INPP4B: variants seen among roughly 807,000 people sequenced by gnomAD.
The protein encoded by INPP4B is inositol polyphosphate-4-phosphatase type II B.
A neutral mutation model predicts 122.5 loss-of-function variants in INPP4B; 55 were observed. The ratio of observed to expected loss-of-function variants is 0.45; its 90% CI spans 0.36 to 0.56. The LOEUF is 0.56. INPP4B is among the 20% of genes least tolerant of loss of function. The pLI, the probability that INPP4B is intolerant of heterozygous loss-of-function variation, is 0.00. For synonymous variants in INPP4B, 403 were observed against 388.7 expected, an observed-to-expected ratio of 1.04 and a Z score of -0.43; for missense variants, 1,000 against 1,097.7, an observed-to-expected ratio of 0.91 and a Z score of 1.26.
At chr4:142,742,136 C>A (rs1767990406) in intron 1 of INPP4B, among the ~76,000 whole-genome samples, 1 of 151,900 alleles carries the variant, frequency 6.6e-6, no homozygotes, top group South Asian at 2.1e-4. Context: ...AGTAGACCCA[C>A]ACTCACCCTC....
intron 4 of INPP4B, 149 bp downstream of exon 4, chr4:142,431,020 T>C (rs1363051395): frequency 1.6e-6 from 1 of 615,994 alleles, no homozygotes. Context: ...AGGTAAATAG[T>C]GCAAAGGAAA....
At chr4:142,816,700 A>G (rs1780160642) in intron 1 of INPP4B, among the ~76,000 whole-genome samples, 1 of 152,090 alleles carries the variant, frequency 6.6e-6, no homozygotes, top group South Asian at 2.1e-4. Context: ...ACACACACAC[A>G]TATTCAGCCA....
chr4:142,661,956 G>A (rs1041822912), intron 2 of INPP4B, among the ~76,000 whole-genome samples: 5 of 151,890 alleles, frequency 3.3e-5, no homozygotes, highest in East Asian at 2.0e-4. Context: ...GAGGTTGGCC[G>A]GGCACGGTGG....
At chr4:142,135,144 G>A (rs1355419235) in intron 18 of INPP4B, among the ~76,000 whole-genome samples, 1 of 152,108 alleles carries the variant, frequency 6.6e-6, no homozygotes, top group Non-Finnish European at 1.5e-5. Flanking sequence ...CAACAGCAAT[G>A]GTAGATCCAT....
intron 8 of INPP4B, among the ~76,000 whole-genome samples, chr4:142,306,526 G>T (rs570774547): frequency 1.4e-4 from 22 of 152,282 alleles, no homozygotes; most frequent in African/African-American, 5.1e-4. Flanking sequence ...GCTGGACAAA[G>T]AATTTGAGGG....
At position 142,417,250 on chromosome 4, in the gene INPP4B, C is replaced by T. The variant is rs562046856; in HGVS notation, c.136+11923G>A. On this transcript the variant is annotated intron_variant, in intron 5 of 25. Coordinates refer to ENST00000262992, the MANE Select transcript of INPP4B (RefSeq NM_001101669.3). Reference sequence around the variant, plus strand: ...CAAATTAAATTAAAAAGAACCTCTTCCGGGATGCACTGTAGCCTAGGCAAG... The same window carrying T: ...CAAATTAAATTAAAAAGAACCTCTTTCGGGATGCACTGTAGCCTAGGCAAG... 2.5e-4 allele frequency among the ~76,000 whole-genome samples: 38 copies of T among 152,228 alleles called. No individual in the cohort carries two copies. The South Asian group carries it at 7.9e-3, about 32-fold the overall frequency.
At chr4:142,347,963 G>A (rs186822060) in intron 7 of INPP4B, among the ~76,000 whole-genome samples, 85 of 152,136 alleles carry the variant, frequency 5.6e-4, no homozygotes, top group Middle Eastern at 6.8e-3. Context: ...TGTCAGAAAC[G>A]TGATAGAACA....
intron 1 of INPP4B, among the ~76,000 whole-genome samples, chr4:142,739,799 AAC>A (rs1767636759): frequency 6.6e-6 from 1 of 152,080 alleles, no homozygotes; most frequent in South Asian, 2.1e-4. Flanking sequence ...TAACTGAAAT[AAC>A]ACATTATATT....
At chr4:142,539,101 C>A (rs540677630) in intron 2 of INPP4B, among the ~76,000 whole-genome samples, 306 of 147,288 alleles carry the variant, frequency 2.1e-3, no homozygotes, top group African/African-American at 7.4e-3. Context: ...TATATATAAA[C>A]AATTTAGGAT....
chr4:142,254,697 G>A (rs1276144369), intron 11 of INPP4B, among the ~76,000 whole-genome samples: 2 of 152,232 alleles, frequency 1.3e-5, no homozygotes, highest in South Asian at 2.1e-4. Context: ...AGAAATATGG[G>A]ACTATGTGAA....
chr4:142,537,421 TATATATATAGAGAGAGAGAGAG>T (rs1374215590), intron 2 of INPP4B, among the ~76,000 whole-genome samples: 37 of 52,878 alleles, frequency 7.0e-4, no homozygotes, highest in Admixed American at 5.3e-3. Flanking sequence ...TATATATATA[TATATATATAGAGAGAGAGAGAG>T]AGAGAGAGAG....
At chr4:142,438,209 A>G (rs572636567) in intron 3 of INPP4B, among the ~76,000 whole-genome samples, 1 of 152,220 alleles carries the variant, frequency 6.6e-6, no homozygotes, top group South Asian at 2.1e-4. Context: ...CTACTTTAAA[A>G]TTCATATGGA....
intron 25 of INPP4B, among the ~76,000 whole-genome samples, chr4:142,066,899 G>T (rs149697461): frequency 1.3e-5 from 2 of 152,196 alleles, no homozygotes; most frequent in African/African-American, 4.8e-5. Context: ...TCTGGGGGCA[G>T]GGCATAGCTG....
intron 1 of INPP4B, among the ~76,000 whole-genome samples, chr4:142,794,511 T>A (rs953939041): frequency 4.6e-5 from 7 of 151,892 alleles, no homozygotes; most frequent in Admixed American, 6.6e-5. Context: ...GGGTAAAAGA[T>A]GAAAGTTTAC....
At position 142,314,772 on chromosome 4, in the gene INPP4B, A is replaced by C; in HGVS notation, c.373-10T>G. 1 of 1,592,528 alleles carries C rather than the reference A, an allele frequency of 6.3e-7. No individual in the cohort carries two copies. The highest frequency in any genetic ancestry group is 8.5e-7 in the Non-Finnish European group (1 of 1,172,230). On this transcript the variant is annotated splice_polypyrimidine_tract_variant and intron_variant, in intron 7 of 25. Transcript: ENST00000262992. ...GGACACTGGTTCGAACCTGTGGAGA[A>C]AAACATTTTCTGTAAGACTTTGGAG...
intron 25 of INPP4B, among the ~76,000 whole-genome samples, chr4:142,055,808 C>T (rs1422472663): frequency 6.6e-6 from 1 of 151,830 alleles, no homozygotes; most frequent in Non-Finnish European, 1.5e-5. Flanking sequence ...CATTTTTCCA[C>T]TGACCTGGGG....
At chr4:142,772,492 G>T (rs1463611029) in intron 1 of INPP4B, among the ~76,000 whole-genome samples, 1 of 152,082 alleles carries the variant, frequency 6.6e-6, no homozygotes, top group African/African-American at 2.4e-5. Flanking sequence ...CTTAAATAAT[G>T]CATAGATATC....
intron 7 of INPP4B, among the ~76,000 whole-genome samples, chr4:142,350,745 A>C (rs1781699293): frequency 6.6e-6 from 1 of 152,024 alleles, no homozygotes; most frequent in Non-Finnish European, 1.5e-5. Flanking sequence ...CTACCTTTAC[A>C]CTGCAAAATT....
At chr4:142,077,566 A>G (rs1275987455) in intron 25 of INPP4B, among the ~76,000 whole-genome samples, 2 of 152,000 alleles carry the variant, frequency 1.3e-5, no homozygotes, top group African/African-American at 4.8e-5. Flanking sequence ...AGTTTGATTA[A>G]TAGGAAGTCT....
Sources: gnomAD v4.1 joint callset for allele counts (sites outside exome capture counted in the v4.1 genomes callset) on GRCh38, gnomAD v4.1.1 for gene constraint, MANE v1.5 for transcripts, NCBI Gene and HGNC (gene_info 2026-07-23, HGNC 2026-07-21) for gene names.